The following NBPF12 variants were observed in gnomAD, a reference collection of about 807,000 sequenced individuals.
NBPF12 encodes the protein NBPF member 12.
A neutral mutation model predicts 146.4 loss-of-function variants in NBPF12; 115 were observed. The observed-to-expected ratio is 0.79, with a 90% confidence interval of 0.68 to 0.92. NBPF12 has a LOEUF of 0.92. NBPF12 is among the 40% of genes least tolerant of loss of function. NBPF12 has a pLI of 0.00. For synonymous variants in NBPF12, 385 were observed against 508.9 expected, an observed-to-expected ratio of 0.76 and a Z score of 3.28; for missense variants, 1,205 against 1,326.8, an observed-to-expected ratio of 0.91 and a Z score of 1.43.
chr1:146,994,120 CTG>C (rs1443085929), intron 33 of NBPF12, among the ~76,000 whole-genome samples: 4 of 119,922 alleles, frequency 3.3e-5, no homozygotes, highest in Non-Finnish European at 6.5e-5. Flanking sequence ...GTCTCTGTCT[CTG>C]TCTCTGTCTC....
chr1:146,940,946 T>C (rs1445040569), intron 1 of NBPF12, among the ~76,000 whole-genome samples: 2 of 152,152 alleles, frequency 1.3e-5, no homozygotes, highest in African/African-American at 4.8e-5. Flanking sequence ...TTCATTGATA[T>C]GCTTTTCTGT....
At chr1:146,992,460 CTCTGTGTGTGTG>C (rs1334627818) in intron 31 of NBPF12, among the ~76,000 whole-genome samples, 1,745 of 88,120 alleles carry the variant, frequency 0.02, 6 homozygotes, top group East Asian at 0.14. Context: ...CTCTCTCTCT[CTCTGTGTGTGTG>C]TGTGTGTGTG....
exon 13 of NBPF12, chr1:146,971,278 A>C: frequency 6.2e-7 from 1 of 1,611,638 alleles, no homozygotes; most frequent in Non-Finnish European, 8.5e-7. Context: ...TGTGACTCCA[A>C]CCAGCCTCAC....
At chr1:146,949,998 A>G (rs1238387469) in intron 1 of NBPF12, among the ~76,000 whole-genome samples, 2 of 152,054 alleles carry the variant, frequency 1.3e-5, no homozygotes, top group Admixed American at 1.3e-4. Context: ...TCTTAAAGTC[A>G]TATAACTGGC....
intron 21 of NBPF12, among the ~76,000 whole-genome samples, 199 bp from the exon 25 acceptor site, chr1:146,984,614 T>TGTGTGTGTGTGTGTGC (rs1657624452): frequency 1.4e-5 from 2 of 144,112 alleles, no homozygotes; most frequent in African/African-American, 2.7e-5. Context: ...TGTGTGTGTG[T>TGTGTGTGTGTGTGTGC]GTGTGTGTGT....
rs1362261695 is a variant in NBPF12 at position 146,968,819 on chromosome 1, G to A, written c.1091+269G>A. ...ACATAACACAAAATTAACCAAAGGA[G>A]TGTGAACCACACAGCAGCATTCAGT... is the stretch of plus-strand genomic sequence containing the variant. On this transcript the variant is annotated intron_variant, in intron 10 of 33. Coordinates refer to ENST00000617844, the Ensembl canonical transcript of NBPF12. Among the ~76,000 whole-genome samples, 881 of 151,596 alleles carry A rather than the reference G, an allele frequency of 5.8e-3. 25 individuals are homozygous for A. Among genetic ancestry groups the A allele is most frequent in the African/African-American group, 0.02 (832 of 41,008 alleles).
intron 19 of NBPF12, among the ~76,000 whole-genome samples, chr1:146,980,742 A>G: frequency 6.8e-6 from 1 of 146,400 alleles, no homozygotes; most frequent in Admixed American, 6.8e-5. Flanking sequence ...GGGATCTAGA[A>G]CTAGAAATAC....
At chr1:146,941,066 T>C (rs1315873683) in intron 1 of NBPF12, among the ~76,000 whole-genome samples, 1 of 152,042 alleles carries the variant, frequency 6.6e-6, no homozygotes, top group African/African-American at 2.4e-5. Flanking sequence ...ATGATGTTTT[T>C]TCATGAATGG....
rs1361594497 is a variant in NBPF12, at chr1:146,964,547, GT to G, written c.566+119del. 7.1e-4 allele frequency: 1,102 copies of G among 1,542,868 alleles called. 12 individuals carry two copies. The African/African-American group carries it at 0.014, about 19-fold the overall frequency. On this transcript the variant is annotated intron_variant, in intron 7 of 33. Coordinates refer to ENST00000617844, the Ensembl canonical transcript of NBPF12. ...GCCCGCATTCCCTTGGCCACAGTAT[GT>G]GAAATTCAACCCAGCTTAGACACAG...
chr1:146,938,668 T>G (rs1654640922), upstream of NBPF12: 1 of 151,924 alleles, frequency 6.6e-6, no homozygotes, highest in South Asian at 2.1e-4. Flanking sequence ...CCGAACCCGT[T>G]GTGCGGTAGA....
At chr1:146,964,336 A>C in intron 6 of NBPF12, 21 bp from the exon 10 acceptor site, 1 of 1,602,002 alleles carries the variant, frequency 6.2e-7, no homozygotes, top group South Asian at 1.1e-5. Context: ...ACATATCTGA[A>C]TGAACATTTT....
At chr1:146,964,334 G>C in intron 6 of NBPF12, 23 bp from the exon 10 acceptor site, 1 of 1,528,502 alleles carries the variant, frequency 6.5e-7, no homozygotes, top group Non-Finnish European at 9.0e-7. Flanking sequence ...GGACATATCT[G>C]AATGAACATT....
At chr1:146,953,950 A>G (rs1395855536) in intron 2 of NBPF12, among the ~76,000 whole-genome samples, 8 of 150,952 alleles carry the variant, frequency 5.3e-5, no homozygotes, top group African/African-American at 1.7e-4. Flanking sequence ...TACCAGAACT[A>G]ATCAGTGAGT....
At chr1:146,974,371 C>T (rs1357589486) in intron 14 of NBPF12, among the ~76,000 whole-genome samples, 1 of 140,114 alleles carries the variant, frequency 7.1e-6, no homozygotes, top group Admixed American at 7.7e-5. Flanking sequence ...CCTGACTGTA[C>T]AAGAAATCAC....
chr1:146,968,669 G>C lies in NBPF12; in HGVS notation c.1091+119G>C. On this transcript the variant is annotated intron_variant, in intron 10 of 33. Coordinates refer to ENST00000617844, the Ensembl canonical transcript of NBPF12. ...CAGGGGAAGGGCAGGAATTGCCATGGCAGGCTCGCTACACACAAATATTTA... is the reference window on the plus strand; with the variant it reads ...CAGGGGAAGGGCAGGAATTGCCATGCCAGGCTCGCTACACACAAATATTTA... 9.1e-6 allele frequency: 8 copies of C among 877,346 alleles called. No homozygotes were observed. The South Asian group carries it at 1.1e-4, about 12-fold the overall frequency. The allele number at this position is 877,346 out of a possible 1,614,324, so 54.3% of individuals were successfully genotyped here. A position where few individuals can be genotyped will look rare whatever the true frequency, so the allele number is the denominator to read the frequency against.
chr1:146,952,378 C>T (rs1288846173), intron 2 of NBPF12, among the ~76,000 whole-genome samples: 5 of 152,104 alleles, frequency 3.3e-5, no homozygotes, highest in Non-Finnish European at 4.4e-5. Context: ...CTCAGCCTGG[C>T]AGTCTCTGTG....
At position 146,969,149 on chromosome 1, in the gene NBPF12, G is replaced by A. The variant is rs1384414536; in HGVS notation, c.1092-233G>A. ...AGACACCTACTTTTGTTTACAGAAG[G>A]GAAAGATGAATGGAACATCATCGAG... On this transcript the variant is annotated intron_variant, in intron 10 of 33. Transcript: ENST00000617844. Among the ~76,000 whole-genome samples, 12 of 151,116 alleles carry A rather than the reference G, an allele frequency of 7.9e-5. 1 individual carries two copies. Among genetic ancestry groups the A allele is most frequent in the South Asian group, 2.1e-4 (1 of 4,808 alleles).
upstream of NBPF12, among the ~76,000 whole-genome samples, chr1:146,949,093 G>T (rs2795737): frequency 1.4e-5 from 2 of 148,082 alleles, no homozygotes; most frequent in Admixed American, 6.8e-5. Context: ...GGAAACGCCC[G>T]ATAATGATCA....
chr1:146,953,085 A>T, intron 2 of NBPF12, among the ~76,000 whole-genome samples: 1 of 148,350 alleles, frequency 6.7e-6, no homozygotes, highest in East Asian at 2.0e-4. Flanking sequence ...TCATGGCGGG[A>T]GATGCTGCAT....
Sources: allele counts gnomAD v4.1 joint callset (sites outside exome capture counted in the v4.1 genomes callset), GRCh38; gene constraint gnomAD v4.1.1; transcripts MANE v1.5; gene names NCBI Gene and HGNC (gene_info 2026-07-23, HGNC 2026-07-21).